Variants in DSCAM observed in about 807,000 individuals in gnomAD.
DSCAM encodes DS cell adhesion molecule.
A neutral mutation model predicts 217.7 loss-of-function variants in DSCAM; 47 were observed. The observed-to-expected ratio is 0.22, with a 90% CI of 0.17 to 0.28. DSCAM has a LOEUF of 0.28. Among genes scored for constraint, DSCAM ranks in the 10% least tolerant of loss-of-function variants. The pLI is 1.00. For synonymous variants in DSCAM, 1,056 were observed against 1,015.3 expected, an observed-to-expected ratio of 1.04 and a Z score of -0.76; for missense variants, 2,080 against 2,618.3, an observed-to-expected ratio of 0.79 and a Z score of 4.49.
intron 11 of DSCAM, among the ~76,000 whole-genome samples, chr21:40,250,983 T>C (rs2205092): frequency 0.028 from 4,304 of 152,288 alleles, 284 homozygotes; most frequent in East Asian, 0.22. Context: ...TCAATCTCTA[T>C]CACCTGATAT....
intron 25 of DSCAM, 130 bp from the exon 26 acceptor site, chr21:40,079,107 A>C: frequency 2.0e-6 from 2 of 978,892 alleles, no homozygotes; most frequent in East Asian, 2.6e-5. Flanking sequence ...CTCACAGGCC[A>C]CTGGCAACTT....
intron 14 of DSCAM, among the ~76,000 whole-genome samples, chr21:40,183,438 G>A (rs565813449): frequency 7.9e-5 from 12 of 152,318 alleles, no homozygotes; most frequent in South Asian, 6.2e-4. Flanking sequence ...CTCAGATGAC[G>A]CCTCTGGTGC....
At chr21:40,396,593 C>A (rs1284494816) in intron 3 of DSCAM, among the ~76,000 whole-genome samples, 1 of 152,096 alleles carries the variant, frequency 6.6e-6, no homozygotes, top group Non-Finnish European at 1.5e-5. Context: ...GGCCACTGGT[C>A]TGTGAGGAAA....
At chr21:40,451,774 C>T (rs2075721753) in intron 3 of DSCAM, among the ~76,000 whole-genome samples, 1 of 152,160 alleles carries the variant, frequency 6.6e-6, no homozygotes, top group South Asian at 2.1e-4. Context: ...TTATTAACAT[C>T]AATGCAATAC....
rs58219836 is a variant in DSCAM, at chr21:40,296,831, C to CAA, written c.2063-659_2063-658dup. ...GGGCAACAAGAGTCAAACTCCATCT[C>CAA]AAAAAAAAAAAAAAAAAAAAAAAAG... On this transcript the variant is annotated intron_variant, in intron 9 of 32. Coordinates refer to ENST00000400454, the MANE Select transcript of DSCAM (RefSeq NM_001389.5). Among the ~76,000 whole-genome samples, 363 of 52,840 alleles carry CAA rather than the reference C, an allele frequency of 6.9e-3. 4 individuals are homozygous for CAA. Among genetic ancestry groups the CAA allele is most frequent in the African/African-American group, 0.011 (191 of 17,256 alleles). The allele number at this position is 52,840 out of a possible 152,430, so 34.7% of individuals were successfully genotyped here.
rs1207987809 is a variant in DSCAM, at chr21:40,484,494, T to C, written c.509-115249A>G. Among the ~76,000 whole-genome samples the C allele has an allele frequency of 4.6e-5, 7 of 152,328 alleles. No homozygotes were observed. In the South Asian group the frequency reaches 8.3e-4, roughly 18 times the overall value. ...TGGATAGAATCTTCAATGGAACCAG[T>C]TGCAACATCTTAGCAATTCCCTCAT... is the stretch of plus-strand genomic sequence containing the variant. On this transcript the variant is annotated intron_variant, in intron 3 of 32. Transcript: ENST00000400454.
At chr21:40,712,503 A>C (rs1676211198) in intron 1 of DSCAM, among the ~76,000 whole-genome samples, 1 of 145,830 alleles carries the variant, frequency 6.9e-6, no homozygotes, top group South Asian at 2.1e-4. Context: ...AAAAGAATCT[A>C]ACATTTATCT....
At chr21:40,243,639 T>G (rs1450243094) in intron 11 of DSCAM, among the ~76,000 whole-genome samples, 3 of 152,204 alleles carry the variant, frequency 2.0e-5, no homozygotes, top group African/African-American at 7.2e-5. Flanking sequence ...GCCCTGCCTG[T>G]GACATGGCAG....
At chr21:40,776,491 G>C (rs1255735472) in intron 1 of DSCAM, among the ~76,000 whole-genome samples, 1 of 152,094 alleles carries the variant, frequency 6.6e-6, no homozygotes, top group Non-Finnish European at 1.5e-5. Flanking sequence ...AATACAAGAG[G>C]GTAAATTGAT....
At chr21:40,114,495 A>G (rs1433744311) in intron 20 of DSCAM, among the ~76,000 whole-genome samples, 1 of 151,654 alleles carries the variant, frequency 6.6e-6, no homozygotes, top group African/African-American at 2.4e-5. Context: ...TTCAGGACAT[A>G]GGCATGGGCA....
intron 1 of DSCAM, among the ~76,000 whole-genome samples, chr21:40,841,708 T>C (rs1018673747): frequency 6.6e-6 from 1 of 152,106 alleles, no homozygotes; most frequent in Non-Finnish European, 1.5e-5. Context: ...GGTCAGCCAA[T>C]CAGGCGCGGA....
At chr21:40,753,824 C>T (rs895999061) in intron 1 of DSCAM, among the ~76,000 whole-genome samples, 7 of 152,126 alleles carry the variant, frequency 4.6e-5, no homozygotes, top group Admixed American at 2.6e-4. Context: ...TTTTATAGAA[C>T]GAATGAAGAC....
At chr21:40,548,399 A>G (rs1376621283) in intron 3 of DSCAM, among the ~76,000 whole-genome samples, 3 of 152,082 alleles carry the variant, frequency 2.0e-5, no homozygotes, top group African/African-American at 7.2e-5. Context: ...TAAAGCGCCC[A>G]CATCTGATTT....
At chr21:40,058,271 G>C (rs2146511014) in intron 28 of DSCAM, among the ~76,000 whole-genome samples, 1 of 152,226 alleles carries the variant, frequency 6.6e-6, no homozygotes, top group East Asian at 1.9e-4. Context: ...CTCCCTTGTT[G>C]CAAGGCTGGA....
intron 27 of DSCAM, among the ~76,000 whole-genome samples, chr21:40,073,430 G>A (rs186996794): frequency 2.1e-4 from 32 of 152,282 alleles, no homozygotes; most frequent in Admixed American, 2.0e-3. Flanking sequence ...AGACACCCTT[G>A]GTATCTCATA....
At chr21:40,676,435 G>A (rs1351608440) in intron 3 of DSCAM, among the ~76,000 whole-genome samples, 1 of 152,134 alleles carries the variant, frequency 6.6e-6, no homozygotes, top group African/African-American at 2.4e-5. Flanking sequence ...TGGGAGGCAC[G>A]GCCAGCAATA....
chr21:40,161,174 G>A (rs1232700370), intron 16 of DSCAM, among the ~76,000 whole-genome samples: 1 of 152,126 alleles, frequency 6.6e-6, no homozygotes, highest in Non-Finnish European at 1.5e-5. Context: ...AGACCTGCCG[G>A]ACCCTTTGTG....
intron 1 of DSCAM, among the ~76,000 whole-genome samples, chr21:40,811,366 G>GA (rs977537806): frequency 2.0e-5 from 3 of 152,216 alleles, no homozygotes; most frequent in Non-Finnish European, 4.4e-5. Flanking sequence ...TACCTGTTGA[G>GA]ATTAAATCCT....
At chr21:40,466,040 A>T (rs2075842646) in intron 3 of DSCAM, among the ~76,000 whole-genome samples, 1 of 152,146 alleles carries the variant, frequency 6.6e-6, no homozygotes, top group African/African-American at 2.4e-5. Context: ...TGTGGTCACA[A>T]GGAGTGCAAT....
Sources: gnomAD v4.1 joint callset for allele counts (sites outside exome capture counted in the v4.1 genomes callset) on GRCh38, gnomAD v4.1.1 for gene constraint, MANE v1.5 for transcripts, NCBI Gene and HGNC (gene_info 2026-07-23, HGNC 2026-07-21) for gene names.